DTNA: variants seen among roughly 807,000 people sequenced by gnomAD.
The protein encoded by DTNA is dystrobrevin alpha.
Under a neutral mutation model 100.7 loss-of-function variants are expected in DTNA, and 43 were observed. The observed-to-expected ratio is 0.43, with a 90% CI of 0.33 to 0.55. The LOEUF is 0.55. DTNA is among the 20% of genes least tolerant of loss of function. The pLI, the probability that DTNA is intolerant of heterozygous loss-of-function variation, is 0.04. For missense variants in DTNA, 798 were observed against 953.9 expected (o/e 0.84, Z 2.15); for synonymous variants, 349 against 347.9 (o/e 1.00, Z -0.04).
intron 16 of DTNA, among the ~76,000 whole-genome samples, chr18:34,862,812 GA>G (rs57591151): frequency 6.6e-6 from 1 of 151,872 alleles, no homozygotes; most frequent in Admixed American, 6.6e-5. Context: ...AAAAAAAATA[GA>G]AAAAAATAGA....
chr18:34,531,775 C>T (rs1023077021), intron 1 of DTNA, among the ~76,000 whole-genome samples: 14 of 152,050 alleles, frequency 9.2e-5, no homozygotes, highest in Admixed American at 5.2e-4. Context: ...GGTTTCAAAA[C>T]AATTTTTAAA....
At chr18:34,855,265 G>T (rs1392502609) in intron 15 of DTNA, among the ~76,000 whole-genome samples, 1 of 152,198 alleles carries the variant, frequency 6.6e-6, no homozygotes, top group East Asian at 1.9e-4. Context: ...TGTTATGATG[G>T]ACAGCAGTGG....
intron 1 of DTNA, among the ~76,000 whole-genome samples, chr18:34,721,466 G>C (rs1230347288): frequency 3.3e-5 from 5 of 151,804 alleles, no homozygotes; most frequent in Non-Finnish European, 7.4e-5. Context: ...GAGTAGAAGG[G>C]AATACTCTGC....
At chr18:34,863,688 A>G (rs2096658953) in intron 16 of DTNA, among the ~76,000 whole-genome samples, 1 of 152,232 alleles carries the variant, frequency 6.6e-6, no homozygotes, top group Admixed American at 6.5e-5. Flanking sequence ...AAGCATTCAG[A>G]AAATATTTCA....
chr18:34,650,947 A>T (rs139226956), intron 1 of DTNA, among the ~76,000 whole-genome samples: 1 of 152,156 alleles, frequency 6.6e-6, no homozygotes, highest in Non-Finnish European at 1.5e-5. Flanking sequence ...CAATCCTACT[A>T]ATATTAGTAG....
rs143935745 is a variant in DTNA at position 34,685,989 on chromosome 18, G to A, written c.-1-69987G>A. Among the ~76,000 whole-genome samples the A allele has an allele frequency of 6.6e-3, 998 of 152,304 alleles. 6 individuals carry two copies. The highest frequency in any genetic ancestry group is 0.031 in the Middle Eastern group (9 of 294). ...CTTGTGAATTTTGCACATTGGTTTTGTATCCTGACACTTTGCTGAATTTGC... is the reference window on the plus strand; with the variant it reads ...CTTGTGAATTTTGCACATTGGTTTTATATCCTGACACTTTGCTGAATTTGC... On this transcript the variant is annotated intron_variant, in intron 1 of 19. Transcript: ENST00000283365.
chr18:34,638,456 A>G (rs2058893903), intron 1 of DTNA, among the ~76,000 whole-genome samples: 1 of 152,236 alleles, frequency 6.6e-6, no homozygotes, highest in African/African-American at 2.4e-5. Context: ...GAATCTAGGC[A>G]GTCTAACTCC....
chr18:34,632,529 C>T (rs962519398), intron 1 of DTNA, among the ~76,000 whole-genome samples: 1 of 152,206 alleles, frequency 6.6e-6, no homozygotes. Context: ...GAACTCTTGT[C>T]CCCTGTCAGG....
intron 2 of DTNA, among the ~76,000 whole-genome samples, chr18:34,756,932 G>A (rs1009755362): frequency 6.6e-6 from 1 of 152,102 alleles, no homozygotes; most frequent in East Asian, 1.9e-4. Context: ...TTTTCCCTAA[G>A]AAGGCAGTAG....
chr18:34,539,677 G>T (rs2044062487), intron 1 of DTNA, among the ~76,000 whole-genome samples: 1 of 151,876 alleles, frequency 6.6e-6, no homozygotes, highest in Non-Finnish European at 1.5e-5. Context: ...GCAGTTAATT[G>T]TATCATTGTC....
chr18:34,816,767 C>T (rs1483945516), intron 7 of DTNA, among the ~76,000 whole-genome samples: 2 of 152,156 alleles, frequency 1.3e-5, no homozygotes, highest in Non-Finnish European at 2.9e-5. Flanking sequence ...CTATATATTA[C>T]TCAACTTCTG....
At chr18:34,818,491 C>T in intron 8 of DTNA, 161 bp downstream of exon 8, 1 of 1,518,552 alleles carries the variant, frequency 6.6e-7, no homozygotes, top group Non-Finnish European at 8.8e-7. Flanking sequence ...CTACTGCGTG[C>T]TCTTACTTAT....
intron 3 of DTNA, among the ~76,000 whole-genome samples, chr18:34,772,649 C>T (rs1046386601): frequency 6.6e-6 from 1 of 152,142 alleles, no homozygotes; most frequent in African/African-American, 2.4e-5. Context: ...CAGTATTTTC[C>T]TCTTCCCTGC....
At chr18:34,744,790 T>C (rs1402902860) in intron 1 of DTNA, among the ~76,000 whole-genome samples, 1 of 152,162 alleles carries the variant, frequency 6.6e-6, no homozygotes, top group Admixed American at 6.5e-5. Context: ...CTTTAGCCTA[T>C]GTCCGTGTGT....
chr18:34,497,909 A>G (rs2039433413), intron 1 of DTNA, among the ~76,000 whole-genome samples: 1 of 152,212 alleles, frequency 6.6e-6, no homozygotes, highest in African/African-American at 2.4e-5. Flanking sequence ...TCAAAAGTAC[A>G]AGAGTATCTA....
At chr18:34,556,999 C>G (rs1411368487) in intron 1 of DTNA, among the ~76,000 whole-genome samples, 2 of 149,534 alleles carry the variant, frequency 1.3e-5, no homozygotes, top group African/African-American at 5.0e-5. Context: ...CCATCACTTT[C>G]AGGTACACCA....
chr18:34,604,170 G>A (rs904788731), intron 1 of DTNA, among the ~76,000 whole-genome samples: 8 of 152,266 alleles, frequency 5.3e-5, no homozygotes, highest in South Asian at 2.1e-4. Flanking sequence ...TGGCTTAGGC[G>A]TGACCGGGTG....
intron 3 of DTNA, among the ~76,000 whole-genome samples, chr18:34,773,891 C>T (rs2093911040): frequency 6.6e-6 from 1 of 152,154 alleles, no homozygotes; most frequent in South Asian, 2.1e-4. Flanking sequence ...TCTTAAAAAT[C>T]AGGGTTTTGT....
intron 1 of DTNA, among the ~76,000 whole-genome samples, chr18:34,544,823 C>T (rs548348670): frequency 4.0e-5 from 6 of 151,372 alleles, no homozygotes; most frequent in Non-Finnish European, 8.8e-5. Flanking sequence ...AGGAGGAAGC[C>T]TGGAGACTTG....
Sources: allele counts gnomAD v4.1 joint callset (sites outside exome capture counted in the v4.1 genomes callset), GRCh38; gene constraint gnomAD v4.1.1; transcripts MANE v1.5; gene names NCBI Gene and HGNC (gene_info 2026-07-23, HGNC 2026-07-21).